Variants in DPP6 observed in about 807,000 individuals in gnomAD.
DPP6 encodes the protein dipeptidyl peptidase like 6.
A neutral mutation model predicts 122.6 loss-of-function variants in DPP6; 69 were observed. That is an observed-to-expected ratio of 0.56 (90% CI 0.46 to 0.69). The LOEUF is 0.69. Among genes scored for constraint, DPP6 ranks in the 30% least tolerant of loss-of-function variants. DPP6 has a pLI of 0.00. For synonymous variants in DPP6, 418 were observed against 433.1 expected, an observed-to-expected ratio of 0.97 and a Z score of 0.43; for missense variants, 928 against 1,116.9, an observed-to-expected ratio of 0.83 and a Z score of 2.41.
intron 5 of DPP6, among the ~76,000 whole-genome samples, chr7:154,576,630 T>C (rs1216037638): frequency 1.3e-5 from 2 of 151,936 alleles, no homozygotes; most frequent in African/African-American, 4.8e-5. Flanking sequence ...GTGGGCCAGT[T>C]TGAGGGAGTG....
chr7:154,355,719 C>A (rs1326193220), intron 1 of DPP6, among the ~76,000 whole-genome samples: 3 of 152,142 alleles, frequency 2.0e-5, no homozygotes, highest in East Asian at 3.8e-4. Flanking sequence ...GGTTTGTTTA[C>A]CCCTGGAGAG....
chr7:153,930,363 A>T (rs1801114530), intron 1 of DPP6, among the ~76,000 whole-genome samples: 1 of 152,134 alleles, frequency 6.6e-6, no homozygotes, highest in Non-Finnish European at 1.5e-5. Flanking sequence ...CTGGTGGGTC[A>T]TTGTCTTCAT....
In DPP6 at chr7:154,085,429, C is replaced by G. The variant is rs556674343; in HGVS notation, c.243+32366C>G. On this transcript the variant is annotated intron_variant, in intron 1 of 25. Coordinates refer to ENST00000377770, the MANE Select transcript of DPP6 (RefSeq NM_130797.4). ...ATAGTGATGAGTCATTAATGCATCT[C>G]GCCAACTAGACAGTAAGCATTTTAT... Among the ~76,000 whole-genome samples, 16 of 152,286 alleles carry G rather than the reference C, an allele frequency of 1.1e-4. No individual in the cohort carries two copies. In the East Asian group the frequency reaches 3.1e-3, roughly 29 times the overall value.
intron 2 of DPP6, among the ~76,000 whole-genome samples, chr7:154,462,411 T>C (rs1380069924): frequency 6.6e-6 from 1 of 152,184 alleles, no homozygotes; most frequent in Non-Finnish European, 1.5e-5. Context: ...GTCATCAGTA[T>C]TTTGATAGAG....
chr7:154,309,573 C>T (rs940561658), intron 1 of DPP6, among the ~76,000 whole-genome samples: 2 of 152,148 alleles, frequency 1.3e-5, no homozygotes, highest in East Asian at 1.9e-4. Context: ...GTCCGCTGCT[C>T]TCTGATTTTG....
At chr7:153,889,324 A>C (rs1182454707) in intron 1 of DPP6, among the ~76,000 whole-genome samples, 1 of 152,234 alleles carries the variant, frequency 6.6e-6, no homozygotes, top group Non-Finnish European at 1.5e-5. Context: ...TTGCATAAAC[A>C]GGATAGAAAC....
intron 1 of DPP6, among the ~76,000 whole-genome samples, chr7:154,409,346 C>A (rs1816395959): frequency 6.6e-6 from 1 of 152,270 alleles, no homozygotes; most frequent in East Asian, 1.9e-4. Context: ...CATCTATAAG[C>A]CAAGGGCAGA....
chr7:154,594,759 G>C (rs1047638618), intron 5 of DPP6, among the ~76,000 whole-genome samples: 1 of 152,088 alleles, frequency 6.6e-6, no homozygotes, highest in Non-Finnish European at 1.5e-5. Context: ...GACAAGTTTC[G>C]GACTAATGCA....
chr7:154,086,811 G>T (rs1337810633), intron 1 of DPP6, among the ~76,000 whole-genome samples: 1 of 152,010 alleles, frequency 6.6e-6, no homozygotes, highest in Non-Finnish European at 1.5e-5. Flanking sequence ...TAGAGACAGG[G>T]TTTCACCATG....
intron 2 of DPP6, among the ~76,000 whole-genome samples, chr7:154,471,429 A>G (rs887926691): frequency 1.1e-4 from 16 of 152,142 alleles, no homozygotes; most frequent in African/African-American, 3.4e-4. Flanking sequence ...GTCAGGCACA[A>G]CAGGAGGGCT....
intron 1 of DPP6, among the ~76,000 whole-genome samples, chr7:154,430,946 G>A (rs900573695): frequency 6.6e-6 from 1 of 152,164 alleles, no homozygotes; most frequent in Non-Finnish European, 1.5e-5. Flanking sequence ...CAAGTTCAAC[G>A]TGTGAAAATG....
intron 5 of DPP6, among the ~76,000 whole-genome samples, chr7:154,585,445 G>A (rs7795467): frequency 6.6e-6 from 1 of 151,934 alleles, no homozygotes; most frequent in African/African-American, 2.4e-5. Context: ...AATGACTTGC[G>A]AGGATCAAGA....
rs1224034066 is a variant in DPP6 at position 154,052,454 on chromosome 7, G to C, written c.-367G>C. The C allele has an allele frequency of 4.2e-6, 1 of 240,866 alleles. No homozygotes were observed. The highest frequency in any genetic ancestry group is 2.3e-5 in the African/African-American group (1 of 43,018). The allele number at this position is 240,866 out of a possible 1,614,324, so 14.9% of individuals were successfully genotyped here. A position where few individuals can be genotyped will look rare whatever the true frequency, so the allele number is the denominator to read the frequency against. ...ATTCTGGGGCCTAGGCATTTCCCTC[G>C]CTTTATGTTTTTGGTTTTTTTTCTT... is the stretch of plus-strand genomic sequence containing the variant. On this transcript the variant is annotated 5_prime_UTR_variant, in exon 1 of 26. Coordinates refer to ENST00000377770, the MANE Select transcript of DPP6 (RefSeq NM_130797.4). This position sits in a 1 kb window ranked among gnomAD's most constrained non-coding sequence, Gnocchi z 4.8.
intron 7 of DPP6, among the ~76,000 whole-genome samples, chr7:154,703,902 G>A (rs540327923): frequency 7.9e-5 from 12 of 151,176 alleles, no homozygotes; most frequent in Admixed American, 2.6e-4. Flanking sequence ...GCGCCACTGC[G>A]CTCCAGCCTG....
intron 1 of DPP6, among the ~76,000 whole-genome samples, chr7:154,028,648 T>A (rs1799070473): frequency 1.3e-5 from 2 of 152,094 alleles, no homozygotes; most frequent in Non-Finnish European, 2.9e-5. Flanking sequence ...CAAAGCTGCG[T>A]TCCTCCTTTC....
intron 1 of DPP6, among the ~76,000 whole-genome samples, chr7:154,009,286 A>G (rs1213603786): frequency 1.5e-4 from 13 of 85,052 alleles, no homozygotes; most frequent in Non-Finnish European, 2.7e-4. Context: ...TCCACAGCAT[A>G]TGGTCTGAAG....
At chr7:154,534,333 G>T (rs1240817965) in intron 3 of DPP6, among the ~76,000 whole-genome samples, 3 of 152,120 alleles carry the variant, frequency 2.0e-5, no homozygotes, top group Non-Finnish European at 4.4e-5. Context: ...ACAATGAAAA[G>T]ATGTGTTCTA....
the DPP6 span, among the ~76,000 whole-genome samples, chr7:153,847,471 T>C: frequency 6.6e-6 from 1 of 152,364 alleles, no homozygotes; most frequent in East Asian, 1.9e-4. Context: ...ATAGCATTTT[T>C]GTATTGTATG....
At chr7:154,404,779 T>C (rs750908067) in intron 1 of DPP6, among the ~76,000 whole-genome samples, 1 of 152,160 alleles carries the variant, frequency 6.6e-6, no homozygotes, top group African/African-American at 2.4e-5. Context: ...AAATCAACCT[T>C]ATGTTGCAAG....
Sources: allele counts gnomAD v4.1 joint callset (sites outside exome capture counted in the v4.1 genomes callset), GRCh38; gene constraint gnomAD v4.1.1; non-coding constraint Gnocchi (gnomAD v3.1); transcripts MANE v1.5; gene names NCBI Gene and HGNC (gene_info 2026-07-23, HGNC 2026-07-21).